Variants in DDX46 observed in about 807,000 individuals in gnomAD.
The protein encoded by DDX46 is probable ATP-dependent RNA helicase DDX46.
In DDX46, 30 loss-of-function variants were observed where a neutral mutation model predicts 134.9. That is an observed-to-expected ratio of 0.22 (90% CI 0.17 to 0.30). The LOEUF (loss-of-function observed/expected upper bound fraction) is 0.30. DDX46 is among the 10% of genes least tolerant of loss of function. The pLI is 1.00. For missense variants in DDX46, 622 were observed against 1,248.7 expected, an observed-to-expected ratio of 0.50 and a Z score of 7.56; for synonymous variants, 415 against 404.1, an observed-to-expected ratio of 1.03 and a Z score of -0.32.
intron 13 of DDX46, 113 bp downstream of exon 13, chr5:134,790,665 C>T (rs1306009352): frequency 2.9e-5 from 25 of 869,568 alleles, no homozygotes; most frequent in South Asian, 8.2e-5. Context: ...TTCTGTTGCA[C>T]GGTAATACAG....
At chr5:134,802,161 T>TC (rs1276225980) in intron 15 of DDX46, among the ~76,000 whole-genome samples, 2 of 60,796 alleles carry the variant, frequency 3.3e-5, no homozygotes, top group Middle Eastern at 6.4e-3. Context: ...ATTTCTTTCT[T>TC]TTTTTTTTTT....
chr5:134,768,415 A>G (rs574754490), intron 3 of DDX46, among the ~76,000 whole-genome samples: 3 of 151,110 alleles, frequency 2.0e-5, no homozygotes, highest in Non-Finnish European at 4.4e-5. Context: ...TGGCCAGAAA[A>G]ATTTTTAAAT....
At chr5:134,818,244 C>T (rs570341332) in intron 20 of DDX46, among the ~76,000 whole-genome samples, 69 of 151,758 alleles carry the variant, frequency 4.5e-4, no homozygotes, top group African/African-American at 1.6e-3. Context: ...CAGGCATGCA[C>T]CACCAAGCCT....
intron 21 of DDX46, among the ~76,000 whole-genome samples, chr5:134,823,025 C>T (rs1755497464): frequency 6.6e-6 from 1 of 151,998 alleles, no homozygotes; most frequent in African/African-American, 2.4e-5. Context: ...TATGAGTATT[C>T]TTTGTTTCCT....
chr5:134,781,349 A>G (rs1212654548), intron 7 of DDX46, 103 bp downstream of exon 7: 10 of 852,296 alleles, frequency 1.2e-5, no homozygotes, highest in Non-Finnish European at 3.7e-6. Flanking sequence ...GCTAGGAGAA[A>G]TTCCCAGAAT....
At position 134,791,065 on chromosome 5, in the gene DDX46, G is replaced by A. The variant is rs113027587; in HGVS notation, c.1626+513G>A. 7.8e-3 allele frequency among the ~76,000 whole-genome samples: 1,192 copies of A among 152,110 alleles called. 16 individuals carry two copies. Among genetic ancestry groups the A allele is most frequent in the Middle Eastern group, 0.024 (7 of 294 alleles). ...ACTCCTGACCTCAGGTGATCCACCC[G>A]CCTTGGCCTCCCAAAGTGTTGGGAT... On this transcript the variant is annotated intron_variant, in intron 13 of 22. Transcript: ENST00000452510.
At chr5:134,803,526 C>T (rs970789740) in intron 15 of DDX46, among the ~76,000 whole-genome samples, 32 of 152,114 alleles carry the variant, frequency 2.1e-4, no homozygotes, top group Admixed American at 1.6e-3. Context: ...TTGACTTCCT[C>T]GCTTGGTCTG....
chr5:134,827,341 C>A (rs188225206), intron 22 of DDX46, among the ~76,000 whole-genome samples: 129 of 151,658 alleles, frequency 8.5e-4, no homozygotes, highest in Non-Finnish European at 1.7e-3. Context: ...GTGGCACGAT[C>A]TCGGCTCACT....
intron 4 of DDX46, among the ~76,000 whole-genome samples, chr5:134,773,233 G>T (rs1234047659): frequency 6.6e-6 from 1 of 152,122 alleles, no homozygotes; most frequent in East Asian, 1.9e-4. Context: ...CATGTGCCTG[G>T]CCATAAAATT....
At chr5:134,786,696 T>C (rs536611651) in intron 11 of DDX46, among the ~76,000 whole-genome samples, 12 of 151,974 alleles carry the variant, frequency 7.9e-5, no homozygotes, top group Non-Finnish European at 1.6e-4. Flanking sequence ...AACACAGAAA[T>C]TAGCCTGGCT....
intron 12 of DDX46, chr5:134,790,002 A>G: frequency 6.7e-6 from 3 of 445,048 alleles, no homozygotes; most frequent in Non-Finnish European, 1.4e-5. Context: ...ATATGGAAGT[A>G]GGTTATAAAA....
chr5:134,804,563 C>T (rs537484166), intron 15 of DDX46, among the ~76,000 whole-genome samples: 5 of 152,008 alleles, frequency 3.3e-5, no homozygotes, highest in Admixed American at 6.6e-5. Context: ...CTCAGCCACC[C>T]GAGGAGTTGG....
intron 15 of DDX46, among the ~76,000 whole-genome samples, chr5:134,798,655 G>T (rs553113388): frequency 6.6e-6 from 1 of 152,284 alleles, no homozygotes; most frequent in South Asian, 2.1e-4. Flanking sequence ...TCCCTGAGCA[G>T]TTGCTCATAA....
At chr5:134,774,260 G>A (rs561027892) in intron 5 of DDX46, among the ~76,000 whole-genome samples, 16 of 152,266 alleles carry the variant, frequency 1.1e-4, no homozygotes, top group Admixed American at 1.0e-3. Context: ...TGTCTTCAAG[G>A]TGCATGTATG....
intron 3 of DDX46, among the ~76,000 whole-genome samples, chr5:134,769,882 C>T (rs887147494): frequency 6.6e-6 from 1 of 152,074 alleles, no homozygotes; most frequent in African/African-American, 2.4e-5. Flanking sequence ...AGGATGGTCT[C>T]GATCTCCTGA....
chr5:134,811,444 A>T lies in DDX46; in HGVS notation c.2286+86A>T, dbSNP rs1755138974. 3 of 1,511,480 alleles carry T rather than the reference A, an allele frequency of 2.0e-6. No homozygotes were observed. In the African/African-American group the frequency reaches 4.2e-5, roughly 21 times the overall value. 93.6% of individuals were successfully genotyped at this position (1,511,480 alleles called of 1,614,324 possible). A position where few individuals can be genotyped will look rare whatever the true frequency, so the allele number is the denominator to read the frequency against. On this transcript the variant is annotated intron_variant, in intron 17 of 22. Coordinates refer to ENST00000452510, the MANE Select transcript of DDX46 (RefSeq NM_001300860.2). ...TTAATTCTTGGAAATCTTTTATTTA[A>T]CACTTGAAAATTTTGCTACGACTAT...
intron 4 of DDX46, among the ~76,000 whole-genome samples, chr5:134,772,040 G>T (rs1190127606): frequency 6.6e-6 from 1 of 151,732 alleles, no homozygotes; most frequent in Admixed American, 6.6e-5. Context: ...AGACCAGCCT[G>T]ACCAACATGG....
intron 15 of DDX46, among the ~76,000 whole-genome samples, chr5:134,805,518 ATTTCT>A (rs1361068806): frequency 4.7e-5 from 7 of 148,738 alleles, no homozygotes; most frequent in African/African-American, 1.2e-4. Flanking sequence ...CTCAGTTCTG[ATTTCT>A]TTTCTTTTCT....
chr5:134,803,799 T>C (rs1754902439), intron 15 of DDX46, among the ~76,000 whole-genome samples: 1 of 152,156 alleles, frequency 6.6e-6, no homozygotes, highest in African/African-American at 2.4e-5. Flanking sequence ...AGTAAGGAAG[T>C]TGTTTCCCGT....
Sources: gnomAD v4.1 joint callset for allele counts (sites outside exome capture counted in the v4.1 genomes callset) on GRCh38, gnomAD v4.1.1 for gene constraint, MANE v1.5 for transcripts, NCBI Gene and HGNC (gene_info 2026-07-23, HGNC 2026-07-21) for gene names.